The following ARHGAP24 variants were observed in gnomAD, a reference collection of about 807,000 sequenced individuals.
The protein encoded by ARHGAP24 is Rho GTPase activating protein 24, also known as rho GTPase-activating protein 24.
ARHGAP24 carries 50 observed loss-of-function variants against 76.4 expected under a neutral mutation model. That is an observed-to-expected ratio of 0.65 (90% CI 0.52 to 0.83). The LOEUF is 0.83. Ranked by LOEUF, ARHGAP24 falls within the 40% of genes least tolerant of loss-of-function variation. ARHGAP24 has a pLI of 0.00. For missense variants in ARHGAP24, 930 were observed against 914.2 expected, an observed-to-expected ratio of 1.02 and a Z score of -0.22; for synonymous variants, 345 against 323.3, an observed-to-expected ratio of 1.07 and a Z score of -0.72.
chr4:85,523,442 T>A (rs1245726257), intron 1 of ARHGAP24, among the ~76,000 whole-genome samples: 1 of 152,166 alleles, frequency 6.6e-6, no homozygotes, highest in Non-Finnish European at 1.5e-5. Flanking sequence ...TTAGATATGA[T>A]TTGATCAAAG....
At chr4:85,632,445 C>T (rs537230230) in intron 2 of ARHGAP24, among the ~76,000 whole-genome samples, 2 of 152,026 alleles carry the variant, frequency 1.3e-5, no homozygotes, top group South Asian at 2.1e-4. Flanking sequence ...GGGCAGTAGG[C>T]ATTTTTCTGT....
chr4:85,522,316 C>T (rs1724807875), intron 1 of ARHGAP24, among the ~76,000 whole-genome samples: 1 of 152,102 alleles, frequency 6.6e-6, no homozygotes, highest in African/African-American at 2.4e-5. Context: ...AACCACATAT[C>T]CCAGAGTTTT....
intron 3 of ARHGAP24, among the ~76,000 whole-genome samples, chr4:85,909,663 G>C (rs1734959283): frequency 6.6e-6 from 1 of 152,104 alleles, no homozygotes; most frequent in African/African-American, 2.4e-5. Context: ...GGAATGCTAG[G>C]TTGAATTGAC....
chr4:85,899,842 G>A (rs1483619004), intron 3 of ARHGAP24, among the ~76,000 whole-genome samples: 1 of 152,206 alleles, frequency 6.6e-6, no homozygotes, highest in African/African-American at 2.4e-5. Flanking sequence ...GAGCCTAAGA[G>A]TTTGAAACCA....
chr4:85,831,810 G>A (rs572861159), intron 3 of ARHGAP24, among the ~76,000 whole-genome samples: 2 of 151,342 alleles, frequency 1.3e-5, no homozygotes, highest in South Asian at 4.2e-4. Context: ...GCTGAGGTGT[G>A]ATAATCACCT....
intron 5 of ARHGAP24, among the ~76,000 whole-genome samples, chr4:85,946,327 G>A (rs889348239): frequency 6.6e-6 from 1 of 151,968 alleles, no homozygotes; most frequent in African/African-American, 2.4e-5. Context: ...TATTTCTTCT[G>A]TTTTACTTTT....
chr4:85,730,527 C>T (rs1368582043), intron 3 of ARHGAP24, among the ~76,000 whole-genome samples: 1 of 152,168 alleles, frequency 6.6e-6, no homozygotes, highest in African/African-American at 2.4e-5. Flanking sequence ...CTGCCTCAGC[C>T]TCCCGAGTAG....
At position 85,599,374 on chromosome 4, in the gene ARHGAP24, A is replaced by G. The variant is rs546754307; in HGVS notation, c.180+28653A>G. ...AGCTCAGTTCATCTTGTAATTTTAT[A>G]CTTTTTCCATTATAGTATATGTCTT... is the stretch of plus-strand genomic sequence containing the variant. On this transcript the variant is annotated intron_variant, in intron 2 of 9. Coordinates refer to ENST00000395184, the MANE Select transcript of ARHGAP24 (RefSeq NM_001025616.3). 5.3e-5 allele frequency among the ~76,000 whole-genome samples: 8 copies of G among 152,284 alleles called. No individual in the cohort carries two copies. The East Asian group carries it at 1.2e-3, about 22-fold the overall frequency.
chr4:85,516,144 G>A lies in ARHGAP24; in HGVS notation c.-21+40585G>A, dbSNP rs114467382. Among the ~76,000 whole-genome samples the A allele has an allele frequency of 6.2e-3, 943 of 152,260 alleles. 8 individuals carry two copies. Among genetic ancestry groups the A allele is most frequent in the African/African-American group, 0.021 (885 of 41,536 alleles). ...CACCCCAAAGATGTGCACACTAGGT[G>A]AATGGGCATGTCGACATAGTCCCAG... On this transcript the variant is annotated intron_variant, in intron 1 of 9. Coordinates refer to ENST00000395184, the MANE Select transcript of ARHGAP24 (RefSeq NM_001025616.3).
At chr4:85,738,393 T>C (rs377661918) in intron 3 of ARHGAP24, among the ~76,000 whole-genome samples, 10 of 134,810 alleles carry the variant, frequency 7.4e-5, no homozygotes, top group Non-Finnish European at 1.5e-4. Context: ...TTATTATTAT[T>C]ATTATTATTA....
At chr4:85,814,728 G>GACCT (rs1429883805) in intron 3 of ARHGAP24, among the ~76,000 whole-genome samples, 1 of 152,078 alleles carries the variant, frequency 6.6e-6, no homozygotes, top group Non-Finnish European at 1.5e-5. Flanking sequence ...GCTGTCAGTG[G>GACCT]ACCTACCATT....
intron 2 of ARHGAP24, among the ~76,000 whole-genome samples, chr4:85,699,986 AAC>A (rs1176570742): frequency 6.6e-6 from 1 of 152,236 alleles, no homozygotes; most frequent in Non-Finnish European, 1.5e-5. Context: ...ATATTAAGGA[AAC>A]ACTATGTTAC....
chr4:86,000,925 A>G lies in ARHGAP24; in HGVS notation c.*203A>G. 1.4e-6 allele frequency: 1 copy of G among 711,406 alleles called. No individual in the cohort carries two copies. Among genetic ancestry groups the G allele is most frequent in the South Asian group, 1.9e-5 (1 of 53,366 alleles). The allele number at this position is 711,406 out of a possible 1,614,324, so 44.1% of individuals were successfully genotyped here. On this transcript the variant is annotated 3_prime_UTR_variant, in exon 10 of 10. Transcript: ENST00000395184. ...CCCCATAATGCTACTGTCAAGTGTT[A>G]CAACTGGATATGTGTATATAGAGTA... is the stretch of plus-strand genomic sequence containing the variant.
At chr4:85,601,830 C>T (rs911397515) in intron 2 of ARHGAP24, among the ~76,000 whole-genome samples, 7 of 152,000 alleles carry the variant, frequency 4.6e-5, no homozygotes, top group African/African-American at 1.7e-4. Context: ...AAAGCTATTT[C>T]GAGGGTTTGC....
chr4:85,567,767 T>C (rs1228454648), intron 1 of ARHGAP24, among the ~76,000 whole-genome samples: 1 of 152,170 alleles, frequency 6.6e-6, no homozygotes, highest in African/African-American at 2.4e-5. Context: ...AAAGATGAAG[T>C]GTAGAATTTT....
rs1314272812 is a variant in ARHGAP24 at position 85,931,142 on chromosome 4, C to T, written c.391+7372C>T. ...CTCAGATAAAATGGGAGTTTGGAAA[C>T]CAAGAGCTTAGGACTGTACAAGAGT... On this transcript the variant is annotated intron_variant, in intron 4 of 9. Transcript: ENST00000395184. The T allele has an allele frequency of 1.2e-5, 15 of 1,280,336 alleles. No homozygotes were observed. In the East Asian group the frequency reaches 3.4e-4, roughly 29 times the overall value. The allele number at this position is 1,280,336 out of a possible 1,614,324, so 79.3% of individuals were successfully genotyped here.
chr4:85,965,347 A>G (rs538194600), intron 5 of ARHGAP24, among the ~76,000 whole-genome samples: 2 of 152,236 alleles, frequency 1.3e-5, no homozygotes, highest in African/African-American at 4.8e-5. Flanking sequence ...TGATTCGATC[A>G]TCTCACACTG....
intron 3 of ARHGAP24, among the ~76,000 whole-genome samples, chr4:85,748,501 T>G (rs1421079007): frequency 6.6e-6 from 1 of 152,204 alleles, no homozygotes; most frequent in African/African-American, 2.4e-5. Context: ...CAGTTGTTCC[T>G]GATAACAAAA....
At chr4:85,516,740 T>TC (rs34884313) in intron 1 of ARHGAP24, among the ~76,000 whole-genome samples, 1 of 151,976 alleles carries the variant, frequency 6.6e-6, no homozygotes, top group Admixed American at 6.6e-5. Flanking sequence ...TCATTTTTAG[T>TC]CTTTTGACTT....
Sources: allele counts gnomAD v4.1 joint callset (sites outside exome capture counted in the v4.1 genomes callset), GRCh38; gene constraint gnomAD v4.1.1; transcripts MANE v1.5; gene names NCBI Gene and HGNC (gene_info 2026-07-23, HGNC 2026-07-21).